The following TTC13 variants were observed in gnomAD, a reference collection of about 807,000 sequenced individuals.
TTC13 encodes tetratricopeptide repeat domain 13.
In TTC13, 62 loss-of-function variants were observed where a neutral mutation model predicts 120.0. The ratio of observed to expected loss-of-function variants is 0.52; its 90% CI spans 0.42 to 0.64. TTC13 has a LOEUF of 0.64. TTC13 is among the 30% of genes least tolerant of loss of function. TTC13 has a pLI of 0.00. For synonymous variants in TTC13, 384 were observed against 393.5 expected, an observed-to-expected ratio of 0.98 and a Z score of 0.28; for missense variants, 824 against 1,050.2, an observed-to-expected ratio of 0.78 and a Z score of 2.98.
At chr1:230,956,229 C>A (rs1275151360) in intron 3 of TTC13, among the ~76,000 whole-genome samples, 3 of 152,254 alleles carry the variant, frequency 2.0e-5, no homozygotes, top group Non-Finnish European at 4.4e-5. Flanking sequence ...TCCCAGGCAG[C>A]CCGGTACGCT....
At chr1:230,966,220 C>A (rs993271135) in intron 1 of TTC13, among the ~76,000 whole-genome samples, 1 of 152,102 alleles carries the variant, frequency 6.6e-6, no homozygotes, top group African/African-American at 2.4e-5. Flanking sequence ...ATTCACAATA[C>A]ATACATTTTA....
chr1:230,975,756 AG>A (rs2103019280), intron 1 of TTC13, among the ~76,000 whole-genome samples: 1 of 152,196 alleles, frequency 6.6e-6, no homozygotes, highest in East Asian at 1.9e-4. Flanking sequence ...GCAAAGCTCA[AG>A]CTGAGACATA....
At chr1:230,955,826 G>A (rs1676029560) in intron 3 of TTC13, among the ~76,000 whole-genome samples, 1 of 152,064 alleles carries the variant, frequency 6.6e-6, no homozygotes, top group South Asian at 2.1e-4. Context: ...TAAAAAGAGA[G>A]CCCTTTTGCC....
At chr1:230,977,014 C>G (rs1325534216) in intron 1 of TTC13, among the ~76,000 whole-genome samples, 1 of 152,206 alleles carries the variant, frequency 6.6e-6, no homozygotes, top group Admixed American at 6.5e-5. Flanking sequence ...ATGTGGTTTG[C>G]CTACCTACAA....
In TTC13 at chr1:230,924,981, A is replaced by G; in HGVS notation, c.1589-8T>C. ...ATGCGGCCAAACCCATAGCTACGAG[A>G]AAGGAATATCGAGAAGAGTTAGTAC... On this transcript the variant is annotated splice_region_variant and splice_polypyrimidine_tract_variant and intron_variant, in intron 13 of 22. Transcript: ENST00000366661. 6.2e-7 allele frequency: 1 copy of G among 1,614,148 alleles called. No homozygotes were observed. The highest frequency in any genetic ancestry group is 1.3e-5 in the African/African-American group (1 of 75,044).
intron 8 of TTC13, among the ~76,000 whole-genome samples, chr1:230,938,116 T>G (rs959512698): frequency 6.6e-6 from 1 of 152,242 alleles, no homozygotes; most frequent in Admixed American, 6.5e-5. Context: ...ATAAAATGTC[T>G]GTTCTTTCTG....
chr1:230,963,204 A>G (rs920497043), intron 1 of TTC13, among the ~76,000 whole-genome samples: 2 of 152,232 alleles, frequency 1.3e-5, no homozygotes, highest in Non-Finnish European at 2.9e-5. Flanking sequence ...TCCTCAAAGA[A>G]CATATAATTT....
At chr1:230,953,041 C>T (rs958201244) in intron 4 of TTC13, among the ~76,000 whole-genome samples, 2 of 152,176 alleles carry the variant, frequency 1.3e-5, no homozygotes, top group Non-Finnish European at 2.9e-5. Context: ...CTCCTATAAA[C>T]GTATCAAAAC....
intron 6 of TTC13, among the ~76,000 whole-genome samples, chr1:230,941,302 G>A (rs1364740481): frequency 6.6e-6 from 1 of 152,090 alleles, no homozygotes; most frequent in Non-Finnish European, 1.5e-5. Context: ...GGTTTATTTT[G>A]TTGTTGTTTT....
intron 1 of TTC13, among the ~76,000 whole-genome samples, chr1:230,964,462 C>T (rs376160357): frequency 1.3e-5 from 2 of 152,174 alleles, no homozygotes; most frequent in African/African-American, 4.8e-5. Context: ...TCTGAACATA[C>T]CACTAATAAA....
At position 230,943,796 on chromosome 1, in the gene TTC13, C is replaced by A; in HGVS notation, c.672+10G>T. 1 of 1,589,100 alleles carries A rather than the reference C, an allele frequency of 6.3e-7. No homozygotes were observed. Among genetic ancestry groups the A allele is most frequent in the Non-Finnish European group, 8.6e-7 (1 of 1,166,768 alleles). On this transcript the variant is annotated intron_variant, in intron 6 of 22. Coordinates refer to ENST00000366661, the MANE Select transcript of TTC13 (RefSeq NM_024525.5). ...AATAATGACAGAGGGAAAAAGAAAG[C>A]CACACTCACTTCTGCTCGCTGCTCA...
In TTC13 at chr1:230,929,107, A is replaced by G. The variant is rs1277774219; in HGVS notation, c.1301-14T>C. 1 of 1,612,762 alleles carries G rather than the reference A, an allele frequency of 6.2e-7. No homozygotes were observed. The highest frequency in any genetic ancestry group is 1.7e-5 in the Admixed American group (1 of 59,920). On this transcript the variant is annotated splice_polypyrimidine_tract_variant and intron_variant, in intron 11 of 22. Coordinates refer to ENST00000366661, the MANE Select transcript of TTC13 (RefSeq NM_024525.5). ...ATCGAGAATACTCTGCAGAAAGGAAATGAGATCTGACACATCCAAATACTG... is the reference window on the plus strand; with the variant it reads ...ATCGAGAATACTCTGCAGAAAGGAAGTGAGATCTGACACATCCAAATACTG...
rs1373382787 is a variant in TTC13 at position 230,927,082 on chromosome 1, A to C, written c.1458-1435T>G. 3.9e-5 allele frequency among the ~76,000 whole-genome samples: 6 copies of C among 152,310 alleles called. No homozygotes were observed. In the East Asian group the frequency reaches 5.8e-4, roughly 15 times the overall value. ...ATTGTTGCCTCGGTCATTTGTTTATACTGCTGTATAATATCCCATTGTGTG... is the reference window on the plus strand; with the variant it reads ...ATTGTTGCCTCGGTCATTTGTTTATCCTGCTGTATAATATCCCATTGTGTG... On this transcript the variant is annotated intron_variant, in intron 12 of 22. Coordinates refer to ENST00000366661, the MANE Select transcript of TTC13 (RefSeq NM_024525.5).
At chr1:230,951,486 A>G (rs932905213) in intron 4 of TTC13, among the ~76,000 whole-genome samples, 1 of 152,322 alleles carries the variant, frequency 6.6e-6, no homozygotes, top group Admixed American at 6.5e-5. Flanking sequence ...TGGCTTAAAA[A>G]TACTGCATTT....
At position 230,908,932 on chromosome 1, in the gene TTC13, T is replaced by C; in HGVS notation, c.2388+10A>G. 1 of 1,614,080 alleles carries C rather than the reference T, an allele frequency of 6.2e-7. No homozygotes were observed. ...TAACCAAGCATTTCTCCCTTCCCGC[T>C]CCAACATACCTTCCCTTTGGGAATT... On this transcript the variant is annotated intron_variant, in intron 21 of 22. Transcript: ENST00000366661.
chr1:230,976,332 C>T (rs572279533), intron 1 of TTC13, among the ~76,000 whole-genome samples: 10 of 152,246 alleles, frequency 6.6e-5, no homozygotes, highest in African/African-American at 1.7e-4. Context: ...TTGTAAATCC[C>T]GAATTCATCC....
rs1288819721 is a variant in TTC13, at chr1:230,944,660, G to A, written c.579+729C>T. Among the ~76,000 whole-genome samples the A allele has an allele frequency of 4.6e-5, 7 of 152,124 alleles. No individual in the cohort carries two copies. In the South Asian group the frequency reaches 1.2e-3, roughly 27 times the overall value. On this transcript the variant is annotated intron_variant, in intron 5 of 22. Transcript: ENST00000366661. The surrounding 1 kb of genome is among the most constrained non-coding windows in gnomAD (Gnocchi z 4.0). ...TATTAATTGTAATATTTTATAAATT[G>A]TAATAAAATAAAAATGTTAAACATT...
intron 2 of TTC13, among the ~76,000 whole-genome samples, chr1:230,960,664 G>GA (rs1261114506): frequency 1.3e-5 from 2 of 152,034 alleles, no homozygotes; most frequent in Non-Finnish European, 2.9e-5. Context: ...AAGGCCTGGA[G>GA]AAAAAATACA....
chr1:230,932,031 T>C (rs1223649042), intron 9 of TTC13, among the ~76,000 whole-genome samples, 154 bp from the exon 10 acceptor site: 4 of 152,202 alleles, frequency 2.6e-5, no homozygotes, highest in East Asian at 1.9e-4. Context: ...CACATTACAT[T>C]TCACTTACTT....
Sources: allele counts gnomAD v4.1 joint callset (sites outside exome capture counted in the v4.1 genomes callset), GRCh38; gene constraint gnomAD v4.1.1; non-coding constraint Gnocchi (gnomAD v3.1); transcripts MANE v1.5; gene names NCBI Gene and HGNC (gene_info 2026-07-23, HGNC 2026-07-21).